The following RERE variants were observed in gnomAD, a reference collection of about 807,000 sequenced individuals.
The protein encoded by RERE is arginine-glutamic acid dipeptide repeats protein.
RERE carries 40 observed loss-of-function variants against 146.1 expected under a neutral mutation model. The ratio of observed to expected loss-of-function variants is 0.27; its 90% CI spans 0.21 to 0.36. RERE has a LOEUF of 0.36. Ranked by LOEUF, RERE falls within the 10% of genes least tolerant of loss-of-function variation. RERE has a pLI of 1.00. For synonymous variants in RERE, 1,003 were observed against 866.0 expected (o/e 1.16, Z -2.78); for missense variants, 1,933 against 2,138.7 (o/e 0.90, Z 1.90).
chr1:8,701,346 TCTCA>T (rs1639447119), intron 1 of RERE, among the ~76,000 whole-genome samples: 1 of 145,772 alleles, frequency 6.9e-6, no homozygotes, highest in Non-Finnish European at 1.5e-5. Flanking sequence ...TCCCTCCCTC[TCTCA>T]GGCATTTCAA....
At chr1:8,669,669 G>A (rs1638670080) in intron 1 of RERE, among the ~76,000 whole-genome samples, 1 of 152,174 alleles carries the variant, frequency 6.6e-6, no homozygotes, top group South Asian at 2.1e-4. Flanking sequence ...TGCTGAGAAT[G>A]AAAGAGAGCC....
At position 8,356,386 on chromosome 1, in the gene RERE, G is replaced by C. The variant is rs1641294236; in HGVS notation, c.4340-140C>G. On this transcript the variant is annotated intron_variant, in intron 20 of 22. Coordinates refer to ENST00000400908, the MANE Select transcript of RERE (RefSeq NM_001042681.2). The surrounding 1 kb of genome is among the most constrained non-coding windows in gnomAD (Gnocchi z 5.2). Reference sequence around the variant, plus strand: ...GGGCTGGATGCACCACCTGGCTACAGGTGGCCCTGCCCCAAAGTGGCTGCC... The same window carrying C: ...GGGCTGGATGCACCACCTGGCTACACGTGGCCCTGCCCCAAAGTGGCTGCC... 1 of 1,026,902 alleles carries C rather than the reference G, an allele frequency of 9.7e-7. No homozygotes were observed. The highest frequency in any genetic ancestry group is 1.7e-5 in the African/African-American group (1 of 58,856). The allele number at this position is 1,026,902 out of a possible 1,614,324, so 63.6% of individuals were successfully genotyped here. A position where few individuals can be genotyped will look rare whatever the true frequency, so the allele number is the denominator to read the frequency against.
In RERE at chr1:8,575,559, ATAT is replaced by A. The variant is rs1339107945; in HGVS notation, c.523-18039_523-18037del. ...AATATATATATATATATATATATATATATTTTTTTTTTTTTTGGCAGAGACAGT... is the reference window on the plus strand; with the variant it reads ...AATATATATATATATATATATATATATTTTTTTTTTTTTGGCAGAGACAGT... On this transcript the variant is annotated intron_variant, in intron 4 of 22. Transcript: ENST00000400908. Among the ~76,000 whole-genome samples, 355 of 65,992 alleles carry A rather than the reference ATAT, an allele frequency of 5.4e-3. 1 individual carries two copies. Among genetic ancestry groups the A allele is most frequent in the South Asian group, 0.013 (29 of 2,192 alleles). The allele number at this position is 65,992 out of a possible 152,430, so 43.3% of individuals were successfully genotyped here. A position where few individuals can be genotyped will look rare whatever the true frequency, so the allele number is the denominator to read the frequency against.
At chr1:8,770,962 T>C (rs569106266) in intron 1 of RERE, among the ~76,000 whole-genome samples, 4 of 152,234 alleles carry the variant, frequency 2.6e-5, no homozygotes, top group East Asian at 1.9e-4. Context: ...AAAAATAAAC[T>C]ATGTGTGCAC....
chr1:8,750,263 T>C (rs1025116640), intron 1 of RERE, among the ~76,000 whole-genome samples: 15 of 151,760 alleles, frequency 9.9e-5, no homozygotes, highest in Non-Finnish European at 1.5e-4. Context: ...CAGTAGTCAA[T>C]GTGTTCAATA....
At chr1:8,678,637 G>A (rs1020338754) in intron 1 of RERE, among the ~76,000 whole-genome samples, 1 of 152,100 alleles carries the variant, frequency 6.6e-6, no homozygotes, top group African/African-American at 2.4e-5. Flanking sequence ...GGAGGTTGCA[G>A]TGAGCCGAGA....
chr1:8,613,990 A>T (rs1009848564), intron 4 of RERE, among the ~76,000 whole-genome samples: 1 of 152,174 alleles, frequency 6.6e-6, no homozygotes, highest in African/African-American at 2.4e-5. Context: ...CCTCTTACAC[A>T]TCCCTCAGGA....
chr1:8,784,110 C>A (rs1641218082), intron 1 of RERE, among the ~76,000 whole-genome samples: 1 of 152,184 alleles, frequency 6.6e-6, no homozygotes, highest in Admixed American at 6.5e-5. Context: ...ACCACTCTAC[C>A]CCCTGCTCAT....
chr1:8,612,861 C>G (rs1300196685), intron 4 of RERE, among the ~76,000 whole-genome samples: 1 of 152,184 alleles, frequency 6.6e-6, no homozygotes, highest in African/African-American at 2.4e-5. Flanking sequence ...CAGTCTTTCT[C>G]TGGGAATTAA....
At chr1:8,698,579 T>C (rs1231997266) in intron 1 of RERE, among the ~76,000 whole-genome samples, 8 of 152,246 alleles carry the variant, frequency 5.3e-5, no homozygotes, top group African/African-American at 1.2e-4. Context: ...ATTCATCTTG[T>C]GGAAAACAAG....
At chr1:8,499,517 T>A (rs1465567585) in intron 8 of RERE, among the ~76,000 whole-genome samples, 1 of 152,214 alleles carries the variant, frequency 6.6e-6, no homozygotes, top group Non-Finnish European at 1.5e-5. Flanking sequence ...TGTGTGTACA[T>A]CCTCCATCTT....
In RERE at chr1:8,360,858, G is replaced by A. The variant is rs998501260; in HGVS notation, c.2649C>T (p.Ala883=). ...GLPPQASQGQ[A]PLGTSPAAAY... ...CTGCTGCTGGGGAGGTCCCCAGAGG[G>A]GCCTGGCCTTGGGAGGCCTGGGGAG... Residue 883 remains alanine (A), a synonymous_variant, in exon 18 of 23, where the codon GCC becomes GCT. Transcript: ENST00000400908. 1.3e-6 allele frequency: 2 copies of A among 1,534,730 alleles called. No homozygotes were observed. The highest frequency in any genetic ancestry group is 1.2e-5 in the South Asian group (1 of 84,330).
chr1:8,571,726 A>C (rs1646223745), intron 4 of RERE, among the ~76,000 whole-genome samples: 1 of 152,226 alleles, frequency 6.6e-6, no homozygotes, highest in African/African-American at 2.4e-5. Flanking sequence ...TTTCTAATAC[A>C]AACATGCCCT....
At chr1:8,784,759 T>C (rs1641230918) in intron 1 of RERE, among the ~76,000 whole-genome samples, 1 of 152,198 alleles carries the variant, frequency 6.6e-6, no homozygotes, top group South Asian at 2.1e-4. Flanking sequence ...ACACTCATAC[T>C]ATGACTTCGT....
intron 2 of RERE, among the ~76,000 whole-genome samples, chr1:8,637,196 T>C (rs949251665): frequency 1.3e-5 from 2 of 152,142 alleles, no homozygotes; most frequent in Non-Finnish European, 2.9e-5. Context: ...AATCAACCCC[T>C]AGCAGCAGAC....
chr1:8,593,023 T>A (rs75945656), intron 4 of RERE, among the ~76,000 whole-genome samples: 2,887 of 152,200 alleles, frequency 0.019, 87 homozygotes, highest in African/African-American at 0.067. Flanking sequence ...AACCTTGGGG[T>A]CATTACTACT....
At chr1:8,522,330 T>A (rs892476880) in intron 7 of RERE, among the ~76,000 whole-genome samples, 12 of 152,252 alleles carry the variant, frequency 7.9e-5, no homozygotes, top group African/African-American at 2.7e-4. Flanking sequence ...TACACGGTTT[T>A]CTGGTGGAAG....
chr1:8,718,368 T>C (rs757391904), intron 1 of RERE, among the ~76,000 whole-genome samples: 3 of 152,120 alleles, frequency 2.0e-5, no homozygotes, highest in Non-Finnish European at 2.9e-5. Context: ...TGAAGCAGGG[T>C]GCCCGTTTCT....
chr1:8,500,011 T>C (rs566905397), intron 8 of RERE, among the ~76,000 whole-genome samples: 1 of 152,250 alleles, frequency 6.6e-6, no homozygotes, highest in African/African-American at 2.4e-5. Flanking sequence ...TGCCAGCTAC[T>C]TGGGAGGGTG....
Sources: gnomAD v4.1 joint callset for allele counts (sites outside exome capture counted in the v4.1 genomes callset) on GRCh38, gnomAD v4.1.1 for gene constraint, Gnocchi (gnomAD v3.1) non-coding constraint, MANE v1.5 for transcripts, NCBI Gene and HGNC (gene_info 2026-07-23, HGNC 2026-07-21) for gene names.